The following SLIT3 variants were observed in gnomAD, a reference collection of about 807,000 sequenced individuals.
SLIT3 encodes the protein slit homolog 3 protein.
In SLIT3, 68 loss-of-function variants were observed where a neutral mutation model predicts 184.0. That is an observed-to-expected ratio of 0.37 (90% CI 0.30 to 0.45). The LOEUF is 0.45. SLIT3 is among the 20% of genes least tolerant of loss of function. The pLI is 1.00. For synonymous variants in SLIT3, 831 were observed against 828.6 expected, an observed-to-expected ratio of 1.00 and a Z score of -0.05; for missense variants, 1,707 against 2,026.0, an observed-to-expected ratio of 0.84 and a Z score of 3.02.
chr5:169,020,162 A>C (rs1049160620), intron 4 of SLIT3, among the ~76,000 whole-genome samples: 1 of 152,198 alleles, frequency 6.6e-6, no homozygotes, highest in African/African-American at 2.4e-5. Flanking sequence ...ATATTTTACT[A>C]TCTGGCCTTT....
At chr5:168,702,704 A>ATGG (rs1246620545) in intron 26 of SLIT3, among the ~76,000 whole-genome samples, 4 of 152,210 alleles carry the variant, frequency 2.6e-5, no homozygotes, top group African/African-American at 9.6e-5. Flanking sequence ...GATGATGATG[A>ATGG]TGATGATGAT....
chr5:168,899,134 T>G (rs1030214726), intron 4 of SLIT3, among the ~76,000 whole-genome samples: 5 of 152,254 alleles, frequency 3.3e-5, no homozygotes, highest in African/African-American at 1.2e-4. Context: ...AATCATTTAT[T>G]CATCAGTTTA....
intron 4 of SLIT3, among the ~76,000 whole-genome samples, chr5:169,070,217 G>C (rs915690874): frequency 1.3e-5 from 2 of 152,162 alleles, no homozygotes; most frequent in African/African-American, 2.4e-5. Flanking sequence ...CAGTATGTTC[G>C]AGTGATGTGT....
In SLIT3 at chr5:169,275,986, C is replaced by T. The variant is rs371151091; in HGVS notation, c.197+24527G>A. Among the ~76,000 whole-genome samples the T allele has an allele frequency of 5.9e-5, 9 of 152,120 alleles. No individual in the cohort carries two copies. In the East Asian group the frequency reaches 1.2e-3, roughly 20 times the overall value. ...TAAAGGGTGTACATGTGTCTGTGTG[C>T]ATGTCTGTGTGTATGTCAGTGTGTG... On this transcript the variant is annotated intron_variant, in intron 1 of 35. Coordinates refer to ENST00000519560, the MANE Select transcript of SLIT3 (RefSeq NM_003062.4).
At chr5:168,765,182 G>T (rs1052618287) in intron 14 of SLIT3, among the ~76,000 whole-genome samples, 1 of 152,200 alleles carries the variant, frequency 6.6e-6, no homozygotes, top group Non-Finnish European at 1.5e-5. Context: ...GGCTGTGGCT[G>T]GGGACAGCCG....
chr5:169,229,270 A>G (rs751801487), intron 3 of SLIT3, among the ~76,000 whole-genome samples: 1 of 152,204 alleles, frequency 6.6e-6, no homozygotes, highest in Non-Finnish European at 1.5e-5. Flanking sequence ...AAACAAAACT[A>G]AAATCTAGTT....
At chr5:168,935,629 A>AC (rs1762135513) in intron 4 of SLIT3, among the ~76,000 whole-genome samples, 1 of 152,232 alleles carries the variant, frequency 6.6e-6, no homozygotes, top group Non-Finnish European at 1.5e-5. Context: ...TTGGATCTAC[A>AC]CATGCCTCTA....
chr5:168,732,804 T>C (rs967551406), intron 20 of SLIT3, among the ~76,000 whole-genome samples: 4 of 152,240 alleles, frequency 2.6e-5, no homozygotes, highest in African/African-American at 4.8e-5. Flanking sequence ...TTTCACCATA[T>C]ACAAAAATTA....
intron 4 of SLIT3, among the ~76,000 whole-genome samples, chr5:168,890,155 AAAAAG>A (rs1345012500): frequency 6.6e-6 from 1 of 151,628 alleles, no homozygotes; most frequent in Non-Finnish European, 1.5e-5. Context: ...AAAAAAAAAA[AAAAAG>A]AGAGAGAGCA....
At chr5:169,198,976 A>G (rs900652314) in intron 3 of SLIT3, among the ~76,000 whole-genome samples, 3 of 149,328 alleles carry the variant, frequency 2.0e-5, no homozygotes, top group African/African-American at 4.9e-5. Context: ...ACACACACAC[A>G]TATGTGTGTA....
At chr5:168,672,513 T>C (rs965519525) in intron 33 of SLIT3, among the ~76,000 whole-genome samples, 8 of 152,166 alleles carry the variant, frequency 5.3e-5, no homozygotes, top group Admixed American at 2.6e-4. Context: ...TCTCACTCTG[T>C]CACCCAGGTT....
intron 5 of SLIT3, among the ~76,000 whole-genome samples, chr5:168,854,639 C>A (rs899725597): frequency 4.6e-5 from 7 of 152,306 alleles, no homozygotes; most frequent in Non-Finnish European, 8.8e-5. Flanking sequence ...TCTCTTTGCT[C>A]CAGGCAAAAG....
At chr5:168,740,401 G>T (rs904402373) in intron 20 of SLIT3, among the ~76,000 whole-genome samples, 2 of 152,184 alleles carry the variant, frequency 1.3e-5, no homozygotes, top group African/African-American at 4.8e-5. Context: ...CTCACACTCT[G>T]CCCTTTAGAG....
intron 4 of SLIT3, among the ~76,000 whole-genome samples, chr5:168,950,400 C>G (rs1045031959): frequency 6.6e-6 from 1 of 152,182 alleles, no homozygotes; most frequent in African/African-American, 2.4e-5. Context: ...ACAAAACAAG[C>G]TCTGCATAGT....
At chr5:168,704,091 C>T (rs1455654496) in intron 26 of SLIT3, among the ~76,000 whole-genome samples, 1 of 150,972 alleles carries the variant, frequency 6.6e-6, no homozygotes. Flanking sequence ...GTCCTGGGAG[C>T]TGATTAAAAA....
At chr5:168,889,437 C>T (rs759592215) in intron 4 of SLIT3, among the ~76,000 whole-genome samples, 31 of 152,302 alleles carry the variant, frequency 2.0e-4, no homozygotes, top group Non-Finnish European at 2.8e-4. Flanking sequence ...ATCAAAGTAT[C>T]AATGGGGGAC....
chr5:169,094,592 T>G (rs1228711252), intron 4 of SLIT3, among the ~76,000 whole-genome samples: 1 of 152,192 alleles, frequency 6.6e-6, no homozygotes, highest in Non-Finnish European at 1.5e-5. Flanking sequence ...ATTGCATCAC[T>G]GCACTCCAGC....
chr5:169,052,324 TTTA>T (rs1757846851), intron 4 of SLIT3, among the ~76,000 whole-genome samples: 1 of 152,190 alleles, frequency 6.6e-6, no homozygotes. Flanking sequence ...GAAAGTACTA[TTTA>T]TTATTGCTCA....
intron 4 of SLIT3, among the ~76,000 whole-genome samples, chr5:169,113,201 C>G (rs1490640558): frequency 6.6e-6 from 1 of 152,108 alleles, no homozygotes; most frequent in African/African-American, 2.4e-5. Context: ...GACTCTGGAC[C>G]CATTCAATAG....
Sources: gnomAD v4.1 joint callset for allele counts (sites outside exome capture counted in the v4.1 genomes callset) on GRCh38, gnomAD v4.1.1 for gene constraint, MANE v1.5 for transcripts, NCBI Gene and HGNC (gene_info 2026-07-23, HGNC 2026-07-21) for gene names.